The following ASTN2 variants were observed in gnomAD, a reference collection of about 807,000 sequenced individuals.
ASTN2 encodes astrotactin 2.
ASTN2 carries 54 observed loss-of-function variants against 139.8 expected under a neutral mutation model. The ratio of observed to expected loss-of-function variants is 0.39; its 90% CI spans 0.31 to 0.48. The LOEUF is 0.48. Ranked by LOEUF, ASTN2 falls within the 20% of genes least tolerant of loss-of-function variation. The pLI, the probability that ASTN2 is intolerant of heterozygous loss-of-function variation, is 0.95. For missense variants in ASTN2, 1,565 were observed against 1,725.1 expected (o/e 0.91, Z 1.64); for synonymous variants, 756 against 719.5 (o/e 1.05, Z -0.81).
intron 22 of ASTN2, among the ~76,000 whole-genome samples, chr9:116,440,370 A>C (rs932044150): frequency 3.3e-5 from 5 of 152,158 alleles, no homozygotes; most frequent in Non-Finnish European, 1.5e-5. Flanking sequence ...GAGAATGATT[A>C]ATGCAAAGAG....
intron 4 of ASTN2, among the ~76,000 whole-genome samples, chr9:117,125,840 A>G (rs1207402573): frequency 6.6e-6 from 1 of 151,450 alleles, no homozygotes; most frequent in Non-Finnish European, 1.5e-5. Flanking sequence ...GGGGGGGGGA[A>G]TTGGATTGCA....
chr9:117,329,414 T>C (rs1293132713), intron 1 of ASTN2, among the ~76,000 whole-genome samples: 1 of 151,874 alleles, frequency 6.6e-6, no homozygotes, highest in Non-Finnish European at 1.5e-5. Flanking sequence ...AAAGCCTGAA[T>C]AATAATGTAG....
chr9:116,774,598 G>A (rs1295765612), intron 13 of ASTN2, among the ~76,000 whole-genome samples: 1 of 152,114 alleles, frequency 6.6e-6, no homozygotes, highest in Non-Finnish European at 1.5e-5. Flanking sequence ...AGCACTAGGT[G>A]ACCCAGTTGG....
At chr9:116,595,367 G>T (rs1298453308) in intron 19 of ASTN2, among the ~76,000 whole-genome samples, 1 of 152,068 alleles carries the variant, frequency 6.6e-6, no homozygotes, top group Admixed American at 6.6e-5. Context: ...TCACTCTGTT[G>T]CCCAGGCTGG....
chr9:117,107,206 C>T (rs955581806), intron 4 of ASTN2, among the ~76,000 whole-genome samples: 4 of 152,050 alleles, frequency 2.6e-5, no homozygotes, highest in African/African-American at 9.7e-5. Flanking sequence ...GCTTATTTAA[C>T]CAATTTCTTA....
At chr9:117,216,821 G>A (rs967467258) in intron 2 of ASTN2, among the ~76,000 whole-genome samples, 2 of 151,806 alleles carry the variant, frequency 1.3e-5, no homozygotes, top group South Asian at 2.1e-4. Flanking sequence ...AAGGGCTGGG[G>A]GCAACACTAA....
At chr9:117,252,048 T>C (rs1833553936) in intron 2 of ASTN2, among the ~76,000 whole-genome samples, 1 of 152,172 alleles carries the variant, frequency 6.6e-6, no homozygotes, top group African/African-American at 2.4e-5. Flanking sequence ...CTGATAAAAT[T>C]ATATTCTCTA....
At chr9:116,983,473 G>A (rs564762797) in intron 7 of ASTN2, among the ~76,000 whole-genome samples, 7 of 152,260 alleles carry the variant, frequency 4.6e-5, no homozygotes, top group South Asian at 2.1e-4. Context: ...ATAGGGCCAG[G>A]TCTCCAAAGC....
chr9:116,730,444 T>C (rs537215948), intron 14 of ASTN2, among the ~76,000 whole-genome samples: 1 of 152,314 alleles, frequency 6.6e-6, no homozygotes, highest in East Asian at 1.9e-4. Context: ...TCCCCAAAGA[T>C]ATGTCCACTG....
intron 20 of ASTN2, among the ~76,000 whole-genome samples, chr9:116,450,142 A>G (rs988248711): frequency 6.6e-5 from 10 of 152,196 alleles, no homozygotes; most frequent in African/African-American, 2.4e-4. Flanking sequence ...CCACAGTCCA[A>G]ATCTGGCCCA....
At chr9:117,123,102 C>T (rs950253977) in intron 4 of ASTN2, among the ~76,000 whole-genome samples, 1 of 152,060 alleles carries the variant, frequency 6.6e-6, no homozygotes. Context: ...ATCAGGATCA[C>T]CTGTAAGGCC....
chr9:116,984,926 A>T (rs1836633965), intron 7 of ASTN2, among the ~76,000 whole-genome samples: 1 of 152,190 alleles, frequency 6.6e-6, no homozygotes, highest in African/African-American at 2.4e-5. Flanking sequence ...CTTGTAATTC[A>T]GGAAGCAGGA....
intron 1 of ASTN2, among the ~76,000 whole-genome samples, chr9:117,342,168 G>A (rs924879643): frequency 6.6e-6 from 1 of 152,036 alleles, no homozygotes; most frequent in Non-Finnish European, 1.5e-5. Flanking sequence ...TCAGGTCCCC[G>A]AACAAAGGCA....
intron 2 of ASTN2, among the ~76,000 whole-genome samples, chr9:117,216,757 A>G (rs1336399938): frequency 4.0e-5 from 6 of 151,804 alleles, no homozygotes; most frequent in African/African-American, 1.5e-4. Flanking sequence ...AGAGGGAGGG[A>G]GTGAGGAAGA....
chr9:117,116,778 C>G (rs964148251), intron 4 of ASTN2, among the ~76,000 whole-genome samples: 3 of 116,724 alleles, frequency 2.6e-5, no homozygotes, highest in Admixed American at 1.3e-4. Flanking sequence ...TAAAAAGTCT[C>G]TCTGTGTGAG....
chr9:117,031,103 G>A (rs1186191516), intron 6 of ASTN2, among the ~76,000 whole-genome samples: 1 of 152,096 alleles, frequency 6.6e-6, no homozygotes, highest in Non-Finnish European at 1.5e-5. Flanking sequence ...TGGGCTCTGG[G>A]ATGAAGCTTG....
At chr9:117,021,636 G>T (rs149628653) in intron 6 of ASTN2, among the ~76,000 whole-genome samples, 1 of 152,126 alleles carries the variant, frequency 6.6e-6, no homozygotes, top group African/African-American at 2.4e-5. Flanking sequence ...GAAATACAGA[G>T]CGAGGCAGCT....
intron 19 of ASTN2, among the ~76,000 whole-genome samples, chr9:116,614,205 G>C (rs1444139990): frequency 2.0e-5 from 3 of 152,078 alleles, no homozygotes; most frequent in Non-Finnish European, 4.4e-5. Flanking sequence ...ACAAACCACT[G>C]CTCAACAAAA....
intron 2 of ASTN2, among the ~76,000 whole-genome samples, chr9:117,284,456 A>G (rs1230527210): frequency 1.3e-5 from 2 of 152,188 alleles, no homozygotes; most frequent in Non-Finnish European, 2.9e-5. Context: ...CAGACATCAC[A>G]TGGGCAGAAT....
Sources: gnomAD v4.1 joint callset for allele counts (sites outside exome capture counted in the v4.1 genomes callset) on GRCh38, gnomAD v4.1.1 for gene constraint, MANE v1.5 for transcripts, NCBI Gene and HGNC (gene_info 2026-07-23, HGNC 2026-07-21) for gene names.